The following SYT10 variants were observed in gnomAD, a reference collection of about 807,000 sequenced individuals.
SYT10 encodes synaptotagmin-10.
A neutral mutation model predicts 51.1 loss-of-function variants in SYT10; 31 were observed. The ratio of observed to expected loss-of-function variants is 0.61; its 90% CI spans 0.46 to 0.82. The LOEUF (loss-of-function observed/expected upper bound fraction) is 0.82, where lower values mean the gene tolerates loss of function less well. Among genes scored for constraint, SYT10 ranks in the 40% least tolerant of loss-of-function variants. The probability of loss-of-function intolerance (pLI) is 0.00; values close to 1 mark genes in which losing one functional copy is unlikely to be tolerated. For synonymous variants in SYT10, 233 were observed against 225.9 expected, an observed-to-expected ratio of 1.03 and a Z score of -0.28; for missense variants, 603 against 634.0, an observed-to-expected ratio of 0.95 and a Z score of 0.53.
intron 1 of SYT10, among the ~76,000 whole-genome samples, chr12:33,433,484 A>T (rs1302924184): frequency 6.6e-6 from 1 of 152,210 alleles, no homozygotes; most frequent in Admixed American, 6.5e-5. Context: ...CTACAGACTA[A>T]TTTATAAACA....
intron 2 of SYT10, among the ~76,000 whole-genome samples, chr12:33,411,057 T>A (rs1261623116): frequency 6.6e-6 from 1 of 152,286 alleles, no homozygotes; most frequent in African/African-American, 2.4e-5. Flanking sequence ...AAGTGAGTAA[T>A]GCATTCAAAG....
chr12:33,397,974 G>A (rs1866271151), intron 3 of SYT10, among the ~76,000 whole-genome samples: 3 of 152,024 alleles, frequency 2.0e-5, no homozygotes, highest in African/African-American at 7.3e-5. Flanking sequence ...AAATGAACAG[G>A]GAAAGTTAGA....
At chr12:33,434,531 C>A (rs1037956404) in intron 1 of SYT10, among the ~76,000 whole-genome samples, 2 of 152,152 alleles carry the variant, frequency 1.3e-5, no homozygotes, top group African/African-American at 2.4e-5. Flanking sequence ...GGGCCAGGTG[C>A]AGTAGCTCAC....
chr12:33,389,457 A>T (rs1353526018), intron 3 of SYT10, among the ~76,000 whole-genome samples: 1 of 152,174 alleles, frequency 6.6e-6, no homozygotes, highest in East Asian at 1.9e-4. Flanking sequence ...ACTCAAAAAC[A>T]ATAATGATGT....
chr12:33,427,007 A>T (rs1437801294), intron 1 of SYT10, among the ~76,000 whole-genome samples: 1 of 152,208 alleles, frequency 6.6e-6, no homozygotes, highest in Non-Finnish European at 1.5e-5. Context: ...TACATTTTTC[A>T]ACCTCCATAG....
At chr12:33,399,270 T>C (rs1866282897) in intron 3 of SYT10, among the ~76,000 whole-genome samples, 1 of 152,226 alleles carries the variant, frequency 6.6e-6, no homozygotes, top group African/African-American at 2.4e-5. Flanking sequence ...CATATCGTAC[T>C]GTGCTTACCC....
In SYT10 at chr12:33,439,650, G is replaced by C; in HGVS notation, c.-128C>G. On this transcript the variant is annotated 5_prime_UTR_variant, in exon 1 of 7. Transcript: ENST00000228567. Reference sequence around the variant, plus strand: ...GGTGACTTTGGCTGGAGATTGCGCCGCTGAGAGCCGGCAACTCTTAGGAGC... The same window carrying C: ...GGTGACTTTGGCTGGAGATTGCGCCCCTGAGAGCCGGCAACTCTTAGGAGC... The C allele has an allele frequency of 8.4e-7, 1 of 1,196,440 alleles. No individual in the cohort carries two copies. Among genetic ancestry groups the C allele is most frequent in the Non-Finnish European group, 1.2e-6 (1 of 865,316 alleles). The allele number at this position is 1,196,440 out of a possible 1,614,324, so 74.1% of individuals were successfully genotyped here.
At chr12:33,423,803 T>C (rs1470178694) in intron 2 of SYT10, 4 of 375,686 alleles carry the variant, frequency 1.1e-5, no homozygotes, top group Non-Finnish European at 2.1e-5. Flanking sequence ...TCCATCTGGA[T>C]AAATTTGAAT....
chr12:33,403,436 T>C (rs1450412967), intron 3 of SYT10, among the ~76,000 whole-genome samples: 4 of 152,050 alleles, frequency 2.6e-5, no homozygotes, highest in South Asian at 2.1e-4. Context: ...TCACTCACCA[T>C]GTTAGCCAGG....
chr12:33,424,100 T>TA (rs1866529058), intron 2 of SYT10: 4 of 427,500 alleles, frequency 9.4e-6, no homozygotes, highest in Middle Eastern at 3.4e-4. Flanking sequence ...TTTTTCCTCT[T>TA]ACAAAATATC....
rs1866099732 is a variant in SYT10 at position 33,379,945 on chromosome 12, C to T, written c.1387G>A (p.Val463Ile). The T allele has an allele frequency of 6.2e-7, 1 of 1,613,416 alleles. No homozygotes were observed. Among genetic ancestry groups the T allele is most frequent in the South Asian group, 1.1e-5 (1 of 91,012 alleles). ...AGTCCTGTTCTGCACACTCCTATGA[C>T]CTCATTGTGTCCTACCCTATGATTT... ...MDYDRVGHNE[V>I]IGVCRTGLDA... Residue 463 changes from valine (V) to isoleucine (I), a missense_variant, in exon 6 of 7, where the codon GTC becomes ATC. Coordinates refer to ENST00000228567, the MANE Select transcript of SYT10 (RefSeq NM_198992.4).
intron 1 of SYT10, among the ~76,000 whole-genome samples, chr12:33,434,727 C>T (rs753335857): frequency 1.6e-4 from 24 of 152,184 alleles, no homozygotes; most frequent in South Asian, 8.3e-4. Context: ...ATCGCTTGAA[C>T]TTGGGAGGCG....
At chr12:33,420,817 C>T (rs12322653) in intron 2 of SYT10, among the ~76,000 whole-genome samples, 20,299 of 152,172 alleles carry the variant, frequency 0.13, 1,582 homozygotes, top group African/African-American at 0.19. Flanking sequence ...CAAGTGTGTA[C>T]ACCTAATACA....
Position 33,374,864 on chromosome 12 carries a change from T to C in SYT10, c.*1966A>G, listed in dbSNP as rs1866049748. On this transcript the variant is annotated 3_prime_UTR_variant, in exon 7 of 7. Transcript: ENST00000228567. ...ACAAAAAGTCCTTAAAAATGTGTTT[T>C]TGGGTGAAAATAATTATACTCACTT... The C allele has an allele frequency of 6.6e-6, 1 of 151,898 alleles. No individual in the cohort carries two copies. Among genetic ancestry groups the C allele is most frequent in the African/African-American group, 2.4e-5 (1 of 41,410 alleles). 9.4% of individuals were successfully genotyped at this position (151,898 alleles called of 1,614,324 possible).
At chr12:33,414,613 G>C (rs1278390505) in intron 2 of SYT10, among the ~76,000 whole-genome samples, 3 of 152,202 alleles carry the variant, frequency 2.0e-5, no homozygotes, top group Non-Finnish European at 4.4e-5. Flanking sequence ...CAGAAATAAA[G>C]AGGTTCTTTG....
intron 1 of SYT10, among the ~76,000 whole-genome samples, chr12:33,426,741 A>G (rs1489926113): frequency 6.6e-6 from 1 of 152,190 alleles, no homozygotes; most frequent in Non-Finnish European, 1.5e-5. Flanking sequence ...ATGTATGCAT[A>G]TTATTTCCAA....
intron 1 of SYT10, among the ~76,000 whole-genome samples, chr12:33,436,835 C>A (rs2138444086): frequency 6.6e-6 from 1 of 152,278 alleles, no homozygotes; most frequent in African/African-American, 2.4e-5. Context: ...ACCATCTGGG[C>A]AGTGCTGATT....
At chr12:33,407,535 T>A (rs1866369817) in intron 2 of SYT10, among the ~76,000 whole-genome samples, 179 bp from the exon 3 acceptor site, 1 of 152,226 alleles carries the variant, frequency 6.6e-6, no homozygotes, top group Admixed American at 6.5e-5. Flanking sequence ...AAGTACAATA[T>A]TCAAAGAGAA....
chr12:33,388,687 A>G (rs2138392003), intron 3 of SYT10, among the ~76,000 whole-genome samples: 1 of 152,276 alleles, frequency 6.6e-6, no homozygotes, highest in South Asian at 2.1e-4. Flanking sequence ...AAAGGGTAAC[A>G]CTGAAGCTGG....
Sources: allele counts gnomAD v4.1 joint callset (sites outside exome capture counted in the v4.1 genomes callset), GRCh38; gene constraint gnomAD v4.1.1; transcripts MANE v1.5; gene names NCBI Gene and HGNC (gene_info 2026-07-23, HGNC 2026-07-21).